The following KLF12 variants were observed in gnomAD, a reference collection of about 807,000 sequenced individuals.
The protein encoded by KLF12 is KLF transcription factor 12, also known as Krueppel-like factor 12.
Under a neutral mutation model 37.8 loss-of-function variants are expected in KLF12, and 9 were observed. The ratio of observed to expected loss-of-function variants is 0.24; its 90% CI spans 0.14 to 0.42. The LOEUF (loss-of-function observed/expected upper bound fraction) is 0.42. Among genes scored for constraint, KLF12 ranks in the 10% least tolerant of loss-of-function variants. KLF12 has a pLI of 1.00. For synonymous variants in KLF12, 208 were observed against 202.1 expected (o/e 1.03, Z -0.25); for missense variants, 411 against 516.0 (o/e 0.80, Z 1.97).
intron 3 of KLF12, among the ~76,000 whole-genome samples, chr13:73,907,547 TAAGA>T (rs1888361162): frequency 6.6e-6 from 1 of 152,132 alleles, no homozygotes; most frequent in South Asian, 2.1e-4. Context: ...GATACTTAAT[TAAGA>T]AATTCAAAAA....
chr13:73,738,857 C>G (rs1434777032), intron 6 of KLF12, among the ~76,000 whole-genome samples: 5 of 152,128 alleles, frequency 3.3e-5, no homozygotes, highest in African/African-American at 1.2e-4. Flanking sequence ...GTCAGATTAC[C>G]AGGCCCCACC....
chr13:73,856,369 T>G (rs1409612092), intron 3 of KLF12, among the ~76,000 whole-genome samples: 1 of 152,302 alleles, frequency 6.6e-6, no homozygotes, highest in East Asian at 1.9e-4. Flanking sequence ...CTGACAAGGA[T>G]GTAGGAAAAC....
chr13:73,844,597 A>G (rs1158831191), intron 4 of KLF12: 1 of 152,200 alleles, frequency 6.6e-6, no homozygotes, highest in African/African-American at 2.4e-5. Context: ...GTGATAAAGA[A>G]ACTCACTGCA....
At chr13:74,027,312 C>T (rs371896343) in intron 1 of KLF12, among the ~76,000 whole-genome samples, 24 of 152,182 alleles carry the variant, frequency 1.6e-4, no homozygotes, top group East Asian at 1.3e-3. Flanking sequence ...GTAGTTCTCA[C>T]ACTTCCCCCT....
the KLF12 span, among the ~76,000 whole-genome samples, chr13:74,196,945 A>G: frequency 6.6e-6 from 1 of 152,158 alleles, no homozygotes; most frequent in Non-Finnish European, 1.5e-5. Context: ...AGTGAACCCA[A>G]TAGAAGTCTG....
intron 1 of KLF12, among the ~76,000 whole-genome samples, chr13:74,097,714 TTGTGTGTG>T (rs58698640): frequency 6.8e-6 from 1 of 147,286 alleles, no homozygotes; most frequent in African/African-American, 2.5e-5. Context: ...ATATATGTAT[TTGTGTGTG>T]TGTGTGTGTG....
chr13:74,262,185 A>G, the KLF12 span, among the ~76,000 whole-genome samples: 1 of 152,204 alleles, frequency 6.6e-6, no homozygotes, highest in Admixed American at 6.5e-5. Flanking sequence ...AGGTATTTTC[A>G]GAGAAATGAT....
At chr13:73,820,804 T>C (rs747549688) in intron 4 of KLF12, among the ~76,000 whole-genome samples, 19 of 152,258 alleles carry the variant, frequency 1.2e-4, no homozygotes, top group Non-Finnish European at 2.1e-4. Flanking sequence ...CACTTCTCAG[T>C]TGTAATGCTG....
At chr13:73,826,794 T>A (rs538248225) in intron 4 of KLF12, among the ~76,000 whole-genome samples, 23 of 144,642 alleles carry the variant, frequency 1.6e-4, no homozygotes, top group Middle Eastern at 3.5e-3. Context: ...ACATATATAT[T>A]TTTTTGAGAC....
At chr13:73,699,377 C>G (rs530073273) in intron 7 of KLF12, among the ~76,000 whole-genome samples, 4 of 151,900 alleles carry the variant, frequency 2.6e-5, no homozygotes, top group African/African-American at 9.7e-5. Flanking sequence ...CCAGGCAAGA[C>G]CCCGCCTCCA....
At chr13:73,806,139 T>G (rs1453559590) in intron 5 of KLF12, among the ~76,000 whole-genome samples, 1 of 144,370 alleles carries the variant, frequency 6.9e-6, no homozygotes. Context: ...TGAGATAAAG[T>G]CTCACTCTTG....
chr13:74,130,791 TGA>T (rs1473484674), intron 1 of KLF12, among the ~76,000 whole-genome samples: 1 of 152,242 alleles, frequency 6.6e-6, no homozygotes, highest in African/African-American at 2.4e-5. Flanking sequence ...ACTTTTCAAA[TGA>T]GTTTGTGCCA....
chr13:74,131,272 G>A (rs774265853), intron 1 of KLF12, among the ~76,000 whole-genome samples: 1 of 152,186 alleles, frequency 6.6e-6, no homozygotes, highest in African/African-American at 2.4e-5. Flanking sequence ...AAATATCCCT[G>A]AGCAACATGT....
In KLF12 at chr13:73,688,324, C is replaced by T. The variant is rs1287891826; in HGVS notation, c.*7166G>A. On this transcript the variant is annotated 3_prime_UTR_variant, in exon 8 of 8. Coordinates refer to ENST00000377669, the MANE Select transcript of KLF12 (RefSeq NM_007249.5). ...ATTTATAAGACTATTTAAAACATTC[C>T]ACAACAGAGCTGTTAAGTGAGAACT... is the stretch of plus-strand genomic sequence containing the variant. 1 of 152,296 alleles carries T rather than the reference C, an allele frequency of 6.6e-6. No individual in the cohort carries two copies. Among genetic ancestry groups the T allele is most frequent in the Non-Finnish European group, 1.5e-5 (1 of 68,006 alleles). The allele number at this position is 152,296 out of a possible 1,614,324, so 9.4% of individuals were successfully genotyped here. A position where few individuals can be genotyped will look rare whatever the true frequency, so the allele number is the denominator to read the frequency against.
intron 6 of KLF12, among the ~76,000 whole-genome samples, chr13:73,729,281 T>C (rs546156093): frequency 6.6e-6 from 1 of 152,362 alleles, no homozygotes; most frequent in African/African-American, 2.4e-5. Flanking sequence ...CCACACACTG[T>C]CTAAAGTTCT....
chr13:74,215,088 T>C, the KLF12 span, among the ~76,000 whole-genome samples: 1 of 152,156 alleles, frequency 6.6e-6, no homozygotes, highest in Admixed American at 6.5e-5. Flanking sequence ...CCATTGCTCC[T>C]GGCCTTACAC....
chr13:74,037,180 G>GCAA (rs764276595), intron 1 of KLF12, among the ~76,000 whole-genome samples: 114 of 142,704 alleles, frequency 8.0e-4, no homozygotes, highest in Non-Finnish European at 1.6e-3. Context: ...TCCAGCCAAG[G>GCAA]CAACAGAGCA....
rs77721791 is a variant in KLF12, at chr13:73,818,734, C to T, written c.671-5447G>A. Reference sequence around the variant, plus strand: ...AATCCCAGAAGCAGATACTGAATCCCTTCACCTCCACGCGCCAGGGCTGGA... The same window carrying T: ...AATCCCAGAAGCAGATACTGAATCCTTTCACCTCCACGCGCCAGGGCTGGA... On this transcript the variant is annotated intron_variant, in intron 4 of 7. Coordinates refer to ENST00000377669, the MANE Select transcript of KLF12 (RefSeq NM_007249.5). Among the ~76,000 whole-genome samples the T allele has an allele frequency of 7.5e-3, 1,136 of 152,358 alleles. 17 individuals are homozygous for T. The highest frequency in any genetic ancestry group is 0.026 in the African/African-American group (1,089 of 41,588).
chr13:74,220,363 T>C, the KLF12 span, among the ~76,000 whole-genome samples: 1 of 152,348 alleles, frequency 6.6e-6, no homozygotes, highest in Admixed American at 6.5e-5. Context: ...TGAGTCTTTG[T>C]CTTAATTAAT....
Sources: gnomAD v4.1 joint callset for allele counts (sites outside exome capture counted in the v4.1 genomes callset) on GRCh38, gnomAD v4.1.1 for gene constraint, MANE v1.5 for transcripts, NCBI Gene and HGNC (gene_info 2026-07-23, HGNC 2026-07-21) for gene names.